ZFPM2: variants seen among roughly 807,000 people sequenced by gnomAD.
The protein encoded by ZFPM2 is zinc finger protein ZFPM2.
Under a neutral mutation model 98.6 loss-of-function variants are expected in ZFPM2, and 20 were observed. The ratio of observed to expected loss-of-function variants is 0.20; its 90% CI spans 0.14 to 0.29. The LOEUF (loss-of-function observed/expected upper bound fraction) is 0.29. ZFPM2 is among the 10% of genes least tolerant of loss of function. ZFPM2 has a pLI of 1.00. For missense variants in ZFPM2, 1,310 were observed against 1,388.6 expected (o/e 0.94, Z 0.90); for synonymous variants, 518 against 502.7 (o/e 1.03, Z -0.41).
chr8:105,497,300 G>A (rs1813489845), intron 3 of ZFPM2, among the ~76,000 whole-genome samples: 1 of 152,084 alleles, frequency 6.6e-6, no homozygotes, highest in Non-Finnish European at 1.5e-5. Context: ...GACTCTTAAA[G>A]CATTCTGATA....
intron 3 of ZFPM2, among the ~76,000 whole-genome samples, chr8:105,450,377 G>T (rs765924767): frequency 1.3e-5 from 2 of 152,040 alleles, no homozygotes; most frequent in Non-Finnish European, 2.9e-5. Context: ...AAATGTGGTA[G>T]ATATAAGATC....
At chr8:105,492,704 A>C (rs573466922) in intron 3 of ZFPM2, among the ~76,000 whole-genome samples, 1 of 152,318 alleles carries the variant, frequency 6.6e-6, no homozygotes, top group East Asian at 1.9e-4. Flanking sequence ...TAAATGTAAT[A>C]GTACACATAA....
chr8:105,390,508 T>C (rs573209313), intron 1 of ZFPM2, among the ~76,000 whole-genome samples: 43 of 152,300 alleles, frequency 2.8e-4, no homozygotes, highest in African/African-American at 9.9e-4. Flanking sequence ...ACTCAGTGTA[T>C]AGCAGCTTTG....
intron 4 of ZFPM2, among the ~76,000 whole-genome samples, chr8:105,617,780 T>A (rs894979107): frequency 6.6e-6 from 1 of 152,226 alleles, no homozygotes; most frequent in African/African-American, 2.4e-5. Context: ...TCATGAATTC[T>A]ACTTATGATT....
At chr8:105,637,999 A>G (rs1213591158) in intron 5 of ZFPM2, among the ~76,000 whole-genome samples, 1 of 151,960 alleles carries the variant, frequency 6.6e-6, no homozygotes, top group Non-Finnish European at 1.5e-5. Context: ...TCATCTGCTC[A>G]TATAACTGAG....
intron 3 of ZFPM2, among the ~76,000 whole-genome samples, chr8:105,512,966 G>T (rs949650428): frequency 2.0e-5 from 3 of 151,916 alleles, no homozygotes; most frequent in Non-Finnish European, 2.9e-5. Context: ...CCCTTGTTAA[G>T]TCATGGCTTT....
At chr8:105,597,634 A>ATTATTATAATAT in intron 4 of ZFPM2, among the ~76,000 whole-genome samples, 1 of 152,136 alleles carries the variant, frequency 6.6e-6, no homozygotes, top group Non-Finnish European at 1.5e-5. Context: ...TATTTAATGC[A>ATTATTATAATAT]GATAAATATT....
intron 5 of ZFPM2, among the ~76,000 whole-genome samples, chr8:105,664,133 G>C (rs1296994483): frequency 1.3e-5 from 2 of 152,162 alleles, no homozygotes; most frequent in Non-Finnish European, 2.9e-5. Flanking sequence ...AAGGTTGGTA[G>C]ATTTTGAAAC....
intron 1 of ZFPM2, among the ~76,000 whole-genome samples, chr8:105,394,442 A>G (rs1178815298): frequency 6.6e-6 from 1 of 152,172 alleles, no homozygotes; most frequent in Non-Finnish European, 1.5e-5. Flanking sequence ...AACAGTTACT[A>G]TCTTAATAGT....
chr8:105,440,305 A>C (rs1812209917), intron 2 of ZFPM2, among the ~76,000 whole-genome samples: 1 of 151,940 alleles, frequency 6.6e-6, no homozygotes, highest in South Asian at 2.1e-4. Flanking sequence ...TTCCCTTTGT[A>C]GTAGTGATAA....
At position 105,490,862 on chromosome 8, in the gene ZFPM2, A is replaced by G. The variant is rs201037104; in HGVS notation, c.301+46481A>G. Among the ~76,000 whole-genome samples the G allele has an allele frequency of 3.3e-5, 5 of 152,256 alleles. No individual in the cohort carries two copies. The East Asian group carries it at 9.6e-4, about 29-fold the overall frequency. On this transcript the variant is annotated intron_variant, in intron 3 of 7. Transcript: ENST00000407775. ...TGTCTTAAGATCATACACTGAAAAC[A>G]TTTTCTAACATATAACTAATGAAAA...
intron 3 of ZFPM2, among the ~76,000 whole-genome samples, chr8:105,491,155 A>G (rs1813349275): frequency 2.0e-5 from 3 of 152,166 alleles, no homozygotes; most frequent in South Asian, 4.1e-4. Flanking sequence ...GACCATTTCA[A>G]CCAAAGAACT....
chr8:105,791,665 G>C (rs1052535975), intron 6 of ZFPM2, among the ~76,000 whole-genome samples: 36 of 152,302 alleles, frequency 2.4e-4, no homozygotes, highest in African/African-American at 8.2e-4. Context: ...AGAAGGAATG[G>C]TACCAGTTCC....
At chr8:105,792,706 A>T (rs942334657) in intron 6 of ZFPM2, among the ~76,000 whole-genome samples, 2 of 152,034 alleles carry the variant, frequency 1.3e-5, no homozygotes, top group Admixed American at 6.6e-5. Context: ...CCCATTATTA[A>T]CGTGTGGGAG....
At chr8:105,712,505 GT>G (rs1811424869) in intron 5 of ZFPM2, among the ~76,000 whole-genome samples, 1 of 150,952 alleles carries the variant, frequency 6.6e-6, no homozygotes, top group Admixed American at 6.6e-5. Flanking sequence ...TTACCAGCTT[GT>G]AAGAGCCAGT....
chr8:105,702,349 G>A (rs940081535), intron 5 of ZFPM2, among the ~76,000 whole-genome samples: 135 of 152,314 alleles, frequency 8.9e-4, no homozygotes, highest in African/African-American at 3.0e-3. Context: ...TTATTACAGG[G>A]AGATTTATCT....
chr8:105,664,137 T>C (rs1261601806), intron 5 of ZFPM2, among the ~76,000 whole-genome samples: 1 of 152,236 alleles, frequency 6.6e-6, no homozygotes, highest in Admixed American at 6.5e-5. Context: ...TTGGTAGATT[T>C]TGAAACTGTA....
intron 1 of ZFPM2, among the ~76,000 whole-genome samples, chr8:105,380,602 T>A (rs1464327495): frequency 5.1e-5 from 1 of 19,584 alleles, no homozygotes. Context: ...ATATATATAT[T>A]ATATATATAT....
chr8:105,682,530 A>G (rs1810631244), intron 5 of ZFPM2, among the ~76,000 whole-genome samples: 1 of 152,168 alleles, frequency 6.6e-6, no homozygotes, highest in Admixed American at 6.6e-5. Flanking sequence ...ATGGAAAACT[A>G]TTGGAGAGTT....
Sources: gnomAD v4.1 joint callset for allele counts (sites outside exome capture counted in the v4.1 genomes callset) on GRCh38, gnomAD v4.1.1 for gene constraint, MANE v1.5 for transcripts, NCBI Gene and HGNC (gene_info 2026-07-23, HGNC 2026-07-21) for gene names.